Variants in TMIGD3 observed in about 807,000 individuals in gnomAD.
The protein encoded by TMIGD3 is transmembrane and immunoglobulin domain containing 3.
In TMIGD3, 21 loss-of-function variants were observed where a neutral mutation model predicts 28.1. The ratio of observed to expected loss-of-function variants is 0.75; its 90% CI spans 0.53 to 1.08. The LOEUF is 1.08. TMIGD3 is among the 50% of genes least tolerant of loss of function. The pLI is 0.00. For synonymous variants in TMIGD3, 151 were observed against 162.1 expected (o/e 0.93, Z 0.52); for missense variants, 416 against 435.6 (o/e 0.96, Z 0.40).
intron 1 of TMIGD3, among the ~76,000 whole-genome samples, chr1:111,558,517 A>C (rs955817691): frequency 1.3e-5 from 2 of 152,196 alleles, no homozygotes; most frequent in Non-Finnish European, 2.9e-5. Context: ...ACTTTTTAAA[A>C]TCCACATTTG....
intron 1 of TMIGD3, among the ~76,000 whole-genome samples, chr1:111,561,794 C>G (rs1890193): frequency 0.033 from 5,000 of 152,102 alleles, 263 homozygotes; most frequent in African/African-American, 0.11. Context: ...TGTGTTGGGT[C>G]CATTCTGTCA....
Position 111,483,556 on chromosome 1 carries a change from T to G in TMIGD3, c.*131A>C. ...GCCGTTGCTACCTGGCTGCAAATGA[T>G]TGTTGTCAAGGATAGAGGGTCCTTC... On this transcript the variant is annotated 3_prime_UTR_variant, in exon 6 of 6. Transcript: ENST00000369716. 2 of 798,044 alleles carry G rather than the reference T, an allele frequency of 2.5e-6. No homozygotes were observed. The highest frequency in any genetic ancestry group is 4.2e-6 in the Non-Finnish European group (2 of 472,578). 49.4% of individuals were successfully genotyped at this position (798,044 alleles called of 1,614,324 possible). A position where few individuals can be genotyped will look rare whatever the true frequency, so the allele number is the denominator to read the frequency against.
chr1:111,527,493 C>G (rs7551308), intron 1 of TMIGD3, among the ~76,000 whole-genome samples: 1 of 152,028 alleles, frequency 6.6e-6, no homozygotes, highest in Non-Finnish European at 1.5e-5. Flanking sequence ...TTTCTGTGGA[C>G]GTAAATTTTC....
rs1346380252 is a variant in TMIGD3, at chr1:111,488,864, G to T, written c.618C>A (p.Thr206=). Residue 206 remains threonine (T), a synonymous_variant, in exon 3 of 6, where the codon ACC becomes ACA. Transcript: ENST00000369716. ...CNIIAFSPNS[T]NHVALRDTGN... ...CTGTGTCCCTCAGGGCCACATGATT[G>T]GTGCTGTTAGGGGAGAAGGCGATGA... 1.2e-6 allele frequency: 2 copies of T among 1,614,188 alleles called. No individual in the cohort carries two copies. Among genetic ancestry groups the T allele is most frequent in the Non-Finnish European group, 8.5e-7 (1 of 1,180,032 alleles).
chr1:111,546,349 C>T (rs1316658695), intron 1 of TMIGD3, among the ~76,000 whole-genome samples: 1 of 152,072 alleles, frequency 6.6e-6, no homozygotes, highest in Non-Finnish European at 1.5e-5. Flanking sequence ...GCAACCATTA[C>T]CACCATCCAT....
intron 1 of TMIGD3, among the ~76,000 whole-genome samples, chr1:111,549,532 C>G (rs938449604): frequency 2.0e-5 from 3 of 151,684 alleles, no homozygotes; most frequent in Non-Finnish European, 4.4e-5. Context: ...CGCCTGTAGT[C>G]CCAGCTACTA....
chr1:111,484,948 T>G lies in TMIGD3; in HGVS notation c.973+792A>C, dbSNP rs544051994. ...TGTGTACACTTCAGAGGTTGGCATATTTGCCACATGCTGGAGGATTCTCTG... is the reference window on the plus strand; with the variant it reads ...TGTGTACACTTCAGAGGTTGGCATAGTTGCCACATGCTGGAGGATTCTCTG... On this transcript the variant is annotated intron_variant, in intron 5 of 5. Coordinates refer to ENST00000369716, the MANE Select transcript of TMIGD3 (RefSeq NM_020683.7). Among the ~76,000 whole-genome samples, 104 of 152,334 alleles carry G rather than the reference T, an allele frequency of 6.8e-4. 1 individual carries two copies. Among genetic ancestry groups the G allele is most frequent in the Admixed American group, 5.4e-3 (83 of 15,296 alleles).
At chr1:111,559,883 C>T (rs928036039) in intron 1 of TMIGD3, among the ~76,000 whole-genome samples, 2 of 152,142 alleles carry the variant, frequency 1.3e-5, no homozygotes, top group African/African-American at 2.4e-5. Context: ...ATTACTAAGT[C>T]TACTCTCATG....
At chr1:111,488,159 T>C (rs1654475057) in intron 3 of TMIGD3, among the ~76,000 whole-genome samples, 1 of 152,078 alleles carries the variant, frequency 6.6e-6, no homozygotes, top group Non-Finnish European at 1.5e-5. Context: ...ACGTGGGTCA[T>C]TTTTTGCAGC....
chr1:111,487,467 C>T (rs374443393), intron 3 of TMIGD3, among the ~76,000 whole-genome samples: 12 of 149,418 alleles, frequency 8.0e-5, no homozygotes, highest in African/African-American at 2.4e-4. Flanking sequence ...AAAGGACATC[C>T]TTTCTAGAAA....
At chr1:111,529,859 G>A (rs1656392395) in intron 1 of TMIGD3, among the ~76,000 whole-genome samples, 1 of 152,094 alleles carries the variant, frequency 6.6e-6, no homozygotes, top group Non-Finnish European at 1.5e-5. Flanking sequence ...TTGTCATCAT[G>A]GCCCGTTCTC....
intron 1 of TMIGD3, among the ~76,000 whole-genome samples, chr1:111,544,623 G>T (rs112382299): frequency 1.0e-3 from 154 of 152,186 alleles, no homozygotes; most frequent in African/African-American, 3.5e-3. Flanking sequence ...CATTTGGTTT[G>T]TTCCATTTTC....
chr1:111,493,686 A>G (rs1182754734), intron 1 of TMIGD3, among the ~76,000 whole-genome samples: 1 of 152,236 alleles, frequency 6.6e-6, no homozygotes, highest in Non-Finnish European at 1.5e-5. Flanking sequence ...CAACACAGGT[A>G]TTATTAATCT....
At chr1:111,523,183 A>G (rs1034369915) in intron 1 of TMIGD3, among the ~76,000 whole-genome samples, 1 of 152,214 alleles carries the variant, frequency 6.6e-6, no homozygotes, top group African/African-American at 2.4e-5. Flanking sequence ...CTAAGAGTTT[A>G]TATCGGTGAT....
chr1:111,518,367 T>A (rs1655935360), intron 1 of TMIGD3, among the ~76,000 whole-genome samples: 1 of 152,242 alleles, frequency 6.6e-6, no homozygotes, highest in Admixed American at 6.5e-5. Context: ...ATTGACATTG[T>A]GGACTGGATA....
intron 1 of TMIGD3, chr1:111,500,578 G>A (rs748713343): frequency 3.9e-5 from 63 of 1,610,018 alleles, no homozygotes; most frequent in South Asian, 3.1e-4. Context: ...AAGAGAGTCA[G>A]TGAGTCCACA....
intron 1 of TMIGD3, among the ~76,000 whole-genome samples, chr1:111,532,422 C>G (rs942702750): frequency 3.3e-5 from 5 of 152,184 alleles, no homozygotes; most frequent in Admixed American, 6.5e-5. Context: ...CATTTGCACT[C>G]GCCAGAAGTA....
chr1:111,524,094 A>G (rs1318423044), intron 1 of TMIGD3, among the ~76,000 whole-genome samples: 3 of 134,294 alleles, frequency 2.2e-5, no homozygotes, highest in Admixed American at 1.7e-4. Flanking sequence ...CAGTGGCGCG[A>G]TCTCGGCTCA....
At chr1:111,486,539 C>A in intron 4 of TMIGD3, 47 bp downstream of exon 4, 40 of 1,398,074 alleles carry the variant, frequency 2.9e-5, no homozygotes, top group Non-Finnish European at 3.8e-5. Context: ...GCCCCTACCT[C>A]CACCCCACCG....
Sources: allele counts gnomAD v4.1 joint callset (sites outside exome capture counted in the v4.1 genomes callset), GRCh38; gene constraint gnomAD v4.1.1; transcripts MANE v1.5; gene names NCBI Gene and HGNC (gene_info 2026-07-23, HGNC 2026-07-21).